Variants in PCDH10 observed in about 807,000 individuals in gnomAD.
The protein encoded by PCDH10 is protocadherin 10, also known as protocadherin-10.
A neutral mutation model predicts 74.4 loss-of-function variants in PCDH10; 15 were observed. The ratio of observed to expected loss-of-function variants is 0.20; its 90% confidence interval spans 0.13 to 0.31. PCDH10 has a LOEUF of 0.31. Among genes scored for constraint, PCDH10 ranks in the 10% least tolerant of loss-of-function variants. The probability of loss-of-function intolerance (pLI) is 1.00; values close to 1 mark genes in which losing one functional copy is unlikely to be tolerated. For missense variants in PCDH10, 1,260 were observed against 1,390.2 expected, an observed-to-expected ratio of 0.91 and a Z score of 1.49; for synonymous variants, 619 against 589.8, an observed-to-expected ratio of 1.05 and a Z score of -0.72.
chr4:133,149,944 A>G lies in PCDH10; in HGVS notation c.-197A>G. On this transcript the variant is annotated 5_prime_UTR_variant, in exon 1 of 5. Coordinates refer to ENST00000264360, the MANE Select transcript of PCDH10 (RefSeq NM_032961.3). ...TCACCCTTCCTGTGCTAAGATTTAA[A>G]AAAAAATGAGGCTGGATTGCGGGAA... The G allele has an allele frequency of 1.5e-6, 1 of 674,484 alleles. No homozygotes were observed. Among genetic ancestry groups the G allele is most frequent in the Non-Finnish European group, 2.2e-6 (1 of 454,602 alleles). 41.8% of individuals were successfully genotyped at this position (674,484 alleles called of 1,614,324 possible).
intron 3 of PCDH10, 64 bp downstream of exon 3, chr4:133,155,087 G>T: frequency 1.8e-6 from 2 of 1,135,534 alleles, no homozygotes; most frequent in South Asian, 1.3e-5. Flanking sequence ...AAAAATAAAC[G>T]TAGGAAGGAT....
At chr4:133,186,204 AT>A (rs1227225351) in intron 4 of PCDH10, among the ~76,000 whole-genome samples, 1 of 152,232 alleles carries the variant, frequency 6.6e-6, no homozygotes, top group South Asian at 2.1e-4. Context: ...ATACTTGAGA[AT>A]CTCTTTTCCA....
At chr4:133,160,388 A>C (rs1346042357) in intron 3 of PCDH10, among the ~76,000 whole-genome samples, 4 of 149,944 alleles carry the variant, frequency 2.7e-5, no homozygotes, top group African/African-American at 7.3e-5. Flanking sequence ...TGAACAAAAA[A>C]CTTTTTCTAT....
chr4:133,149,384 G>C lies in PCDH10; in HGVS notation c.-757G>C, dbSNP rs927392397. The C allele has an allele frequency of 6.6e-6, 1 of 152,588 alleles. No homozygotes were observed. The highest frequency in any genetic ancestry group is 1.5e-5 in the Non-Finnish European group (1 of 68,422). 9.5% of individuals were successfully genotyped at this position (152,588 alleles called of 1,614,324 possible). A position where few individuals can be genotyped will look rare whatever the true frequency, so the allele number is the denominator to read the frequency against. Reference sequence around the variant, plus strand: ...AAAGAGACAGGTTAGAGGGAAAGAGGCTTGGGAAGAAAACAGCAGAAAAGA... The same window carrying C: ...AAAGAGACAGGTTAGAGGGAAAGAGCCTTGGGAAGAAAACAGCAGAAAAGA... On this transcript the variant is annotated 5_prime_UTR_variant, in exon 1 of 5. Coordinates refer to ENST00000264360, the MANE Select transcript of PCDH10 (RefSeq NM_032961.3).
At chr4:133,161,296 G>A (rs549658672) in intron 3 of PCDH10, among the ~76,000 whole-genome samples, 10 of 152,046 alleles carry the variant, frequency 6.6e-5, no homozygotes, top group East Asian at 1.9e-4. Context: ...AAGTCATTAC[G>A]CAGTGAGATT....
chr4:133,201,221 T>G (rs1440741182), intron 2 of PCDH10, among the ~76,000 whole-genome samples: 1 of 152,146 alleles, frequency 6.6e-6, no homozygotes, highest in East Asian at 1.9e-4. Context: ...TTAGCTCAAC[T>G]TACTTTAACT....
chr4:133,199,084 C>A (rs1727850025), downstream of PCDH10, among the ~76,000 whole-genome samples: 1 of 151,742 alleles, frequency 6.6e-6, no homozygotes, highest in African/African-American at 2.4e-5. Flanking sequence ...GAGTTGGAGA[C>A]CAGCCTGGGT....
intron 2 of PCDH10, among the ~76,000 whole-genome samples, chr4:133,205,922 T>C (rs1727995077): frequency 6.6e-6 from 1 of 152,172 alleles, no homozygotes; most frequent in African/African-American, 2.4e-5. Flanking sequence ...TTTTTCCGAA[T>C]AGTGTCTCCT....
intron 4 of PCDH10, among the ~76,000 whole-genome samples, chr4:133,172,641 G>T (rs1312190263): frequency 6.6e-6 from 1 of 151,870 alleles, no homozygotes; most frequent in Admixed American, 6.6e-5. Flanking sequence ...TACTATCCTA[G>T]TCTCTAACCA....
intron 4 of PCDH10, among the ~76,000 whole-genome samples, chr4:133,171,752 C>T (rs1453483158): frequency 6.6e-6 from 1 of 152,050 alleles, no homozygotes; most frequent in African/African-American, 2.4e-5. Flanking sequence ...AAACTTGAGG[C>T]TGACCTGAAA....
intron 4 of PCDH10, among the ~76,000 whole-genome samples, chr4:133,184,228 C>T (rs7672017): frequency 0.5 from 75,371 of 151,710 alleles, 18,986 homozygotes; most frequent in Admixed American, 0.56. Flanking sequence ...ATCCCTTATC[C>T]CTGTCAAAAT....
exon 3 of PCDH10, chr4:133,208,491 T>A (rs890624257): frequency 6.6e-6 from 1 of 152,142 alleles, no homozygotes; most frequent in Admixed American, 6.5e-5. Flanking sequence ...TCGTCTTCAA[T>A]TTTCAGTTCT....
At chr4:133,204,243 T>C (rs935563502) in intron 2 of PCDH10, among the ~76,000 whole-genome samples, 2 of 152,178 alleles carry the variant, frequency 1.3e-5, no homozygotes, top group Non-Finnish European at 2.9e-5. Context: ...TAATTCTTTC[T>C]AGGGTATCGG....
Position 133,149,979 on chromosome 4 carries a change from T to G in PCDH10, c.-162T>G. On this transcript the variant is annotated 5_prime_UTR_variant, in exon 1 of 5. The change abolishes an upstream ATG in the 5' untranslated region. Transcript: ENST00000264360. ...GGCTGGATTGCGGGAAGCTCTAAAA[T>G]GAAGCAAAAGGAGTAAGATTTTTAA... 1 of 1,043,848 alleles carries G rather than the reference T, an allele frequency of 9.6e-7. No homozygotes were observed. The highest frequency in any genetic ancestry group is 1.3e-6 in the Non-Finnish European group (1 of 777,766). 64.7% of individuals were successfully genotyped at this position (1,043,848 alleles called of 1,614,324 possible). A position where few individuals can be genotyped will look rare whatever the true frequency, so the allele number is the denominator to read the frequency against.
chr4:133,186,951 C>G (rs183225162), intron 4 of PCDH10, among the ~76,000 whole-genome samples: 675 of 152,252 alleles, frequency 4.4e-3, no homozygotes, highest in Non-Finnish European at 7.4e-3. Flanking sequence ...CTCCTGGGCT[C>G]AAGTGATCCG....
intron 3 of PCDH10, among the ~76,000 whole-genome samples, chr4:133,161,649 G>A (rs1726973394): frequency 6.6e-6 from 1 of 151,660 alleles, no homozygotes; most frequent in Non-Finnish European, 1.5e-5. Flanking sequence ...GACTGTGCAT[G>A]GATTCGAGTT....
chr4:133,195,697 G>A (rs370748190), downstream of PCDH10, among the ~76,000 whole-genome samples: 139 of 152,058 alleles, frequency 9.1e-4, no homozygotes, highest in African/African-American at 3.3e-3. Context: ...AAAATTTGTG[G>A]TTGAGACTTA....
Position 133,150,240 on chromosome 4 carries a change from G to A in PCDH10, c.100G>A (p.Val34Met), listed in dbSNP as rs1726628266. Residue 34 changes from valine (V) to methionine (M), a missense_variant, in exon 1 of 5, where the codon GTG becomes ATG. This residue lies in a region of PCDH10 where 103 missense variants were observed against 91.5 expected (regional missense o/e 1.13). Transcript: ENST00000264360. ...GGAGGAGCAGGAACATGGCACTTTCGTGGGGAATATCGCTGAAGATCTGGG... is the reference window on the plus strand; with the variant it reads ...GGAGGAGCAGGAACATGGCACTTTCATGGGGAATATCGCTGAAGATCTGGG... ...VQEEQEHGTF[V>M]GNIAEDLGLD... 1.2e-6 allele frequency: 2 copies of A among 1,613,932 alleles called. No homozygotes were observed. Among genetic ancestry groups the A allele is most frequent in the Non-Finnish European group, 1.7e-6 (2 of 1,179,972 alleles).
Position 133,190,309 on chromosome 4 carries a change from T to C in PCDH10, c.*149T>C, listed in dbSNP as rs371152808. 9.9e-6 allele frequency: 7 copies of C among 708,936 alleles called. No homozygotes were observed. The Middle Eastern group carries it at 9.7e-4, about 98-fold the overall frequency. The allele number at this position is 708,936 out of a possible 1,614,324, so 43.9% of individuals were successfully genotyped here. On this transcript the variant is annotated 3_prime_UTR_variant, in exon 5 of 5. Transcript: ENST00000264360. Reference sequence around the variant, plus strand: ...CGGATGGAGTCATCATGGCCAATTATAGGACCTAATTGCTCTCAGCAGGCC... The same window carrying C: ...CGGATGGAGTCATCATGGCCAATTACAGGACCTAATTGCTCTCAGCAGGCC...
Sources: allele counts gnomAD v4.1 joint callset (sites outside exome capture counted in the v4.1 genomes callset), GRCh38; gene constraint gnomAD v4.1.1; regional missense constraint gnomAD v4.1.1; transcripts MANE v1.5; gene names NCBI Gene and HGNC (gene_info 2026-07-23, HGNC 2026-07-21).